CDH6: variants seen among roughly 807,000 people sequenced by gnomAD.
CDH6 encodes cadherin 6.
Under a neutral mutation model 78.0 loss-of-function variants are expected in CDH6, and 31 were observed. That is an observed-to-expected ratio of 0.40 (90% CI 0.30 to 0.54). The LOEUF is 0.54. CDH6 is among the 20% of genes least tolerant of loss of function. The pLI is 0.56. For missense variants in CDH6, 724 were observed against 975.9 expected (o/e 0.74, Z 3.44); for synonymous variants, 376 against 368.8 (o/e 1.02, Z -0.23).
At chr5:31,322,522 T>G (rs1259472757) in intron 11 of CDH6, among the ~76,000 whole-genome samples, 1 of 152,174 alleles carries the variant, frequency 6.6e-6, no homozygotes, top group Non-Finnish European at 1.5e-5. Flanking sequence ...TTTATTATTT[T>G]TTTCCTTACC....
intron 1 of CDH6, among the ~76,000 whole-genome samples, chr5:31,265,848 C>T (rs1402980359): frequency 1.5e-5 from 2 of 133,586 alleles, no homozygotes; most frequent in East Asian, 2.5e-4. Context: ...AATCTTGGCT[C>T]ACTGCAAGCT....
chr5:31,304,419 G>A (rs1313827813), intron 6 of CDH6, among the ~76,000 whole-genome samples: 1 of 152,142 alleles, frequency 6.6e-6, no homozygotes. Flanking sequence ...AGGCACCGTG[G>A]CTCACGCTTG....
Position 31,317,474 on chromosome 5 carries a change from A to G in CDH6, c.1612A>G (p.Thr538Ala). The change falls in exon 10 of 12, where the codon ACC becomes GCC. Residue 538 changes from threonine to alanine, a missense_variant. By Grantham distance (58) the Thr-to-Ala change is moderately conservative. Transcript: ENST00000265071. ...TGAAGCAGCCAGTGGCTCAAACTTT[A>G]CCATTCAAGACAACAAAGGTAAATG... ...APEAASGSNF[T>A]IQDNKDNTAG... The G allele has an allele frequency of 6.2e-7, 1 of 1,609,174 alleles. No individual in the cohort carries two copies. Among genetic ancestry groups the G allele is most frequent in the Non-Finnish European group, 8.5e-7 (1 of 1,176,950 alleles).
In CDH6 at chr5:31,299,631, A is replaced by T; in HGVS notation, c.811A>T (p.Ser271Cys). ...CGACAACCCTCCCCGATTCCCCCAG[A>T]GTAGGAACATTTGATTGAATGAATT... The part of the protein sequence containing the change: ...VNDNPPRFPQ[S>C]TYQFKTPESS... Residue 271 changes from serine to cysteine, a missense_variant and splice_region_variant, in exon 5 of 12, where the codon AGT becomes TGT. Transcript: ENST00000265071. 1 of 1,605,062 alleles carries T rather than the reference A, an allele frequency of 6.2e-7. No homozygotes were observed.
intron 1 of CDH6, among the ~76,000 whole-genome samples, chr5:31,227,706 C>T (rs1741192015): frequency 6.6e-6 from 1 of 152,136 alleles, no homozygotes; most frequent in African/African-American, 2.4e-5. Context: ...TATAGCTTCC[C>T]TGTCAGCCAC....
intron 1 of CDH6, among the ~76,000 whole-genome samples, chr5:31,224,333 G>T (rs763784624): frequency 6.6e-6 from 1 of 152,130 alleles, no homozygotes; most frequent in Non-Finnish European, 1.5e-5. Flanking sequence ...ACCTCCCACT[G>T]GGTCCTCCCC....
chr5:31,280,400 C>T (rs377387099), intron 2 of CDH6, among the ~76,000 whole-genome samples: 2 of 152,168 alleles, frequency 1.3e-5, no homozygotes, highest in African/African-American at 4.8e-5. Flanking sequence ...ATCCACATAA[C>T]CACTCTCTAG....
At chr5:31,272,325 A>C (rs1023853351) in intron 2 of CDH6, among the ~76,000 whole-genome samples, 8 of 152,210 alleles carry the variant, frequency 5.3e-5, no homozygotes, top group Admixed American at 2.0e-4. Context: ...TCAGGGGCTA[A>C]AGAAAAGAGT....
intron 1 of CDH6, among the ~76,000 whole-genome samples, chr5:31,229,937 G>A (rs754523712): frequency 1.3e-5 from 2 of 152,178 alleles, no homozygotes; most frequent in Non-Finnish European, 2.9e-5. Context: ...AATTAAGATT[G>A]AGTAGTGTCA....
At chr5:31,258,144 C>A (rs955394473) in intron 1 of CDH6, among the ~76,000 whole-genome samples, 2 of 152,094 alleles carry the variant, frequency 1.3e-5, no homozygotes, top group African/African-American at 4.8e-5. Context: ...TAGGTATATA[C>A]CCAAATGATT....
chr5:31,315,329 A>G (rs566720295), intron 8 of CDH6, among the ~76,000 whole-genome samples: 6 of 152,322 alleles, frequency 3.9e-5, no homozygotes, highest in African/African-American at 9.6e-5. Flanking sequence ...AACATCGCAA[A>G]TAGAGGCTGC....
intron 1 of CDH6, among the ~76,000 whole-genome samples, chr5:31,219,900 C>T (rs1169959504): frequency 6.6e-6 from 1 of 152,194 alleles, no homozygotes; most frequent in Admixed American, 6.5e-5. Context: ...ACAGTTCATA[C>T]AATGAAGAAG....
At chr5:31,248,894 CT>C (rs1217376960) in intron 1 of CDH6, among the ~76,000 whole-genome samples, 2 of 152,152 alleles carry the variant, frequency 1.3e-5, no homozygotes, top group Non-Finnish European at 2.9e-5. Context: ...TGCTTCATGC[CT>C]TTAACCATTT....
intron 2 of CDH6, among the ~76,000 whole-genome samples, chr5:31,282,095 T>C (rs1489023231): frequency 2.0e-5 from 3 of 152,220 alleles, no homozygotes; most frequent in African/African-American, 7.2e-5. Context: ...TCAGTTCACG[T>C]TGAATTTCAG....
intron 1 of CDH6, among the ~76,000 whole-genome samples, chr5:31,222,883 T>C (rs1741040288): frequency 6.6e-6 from 1 of 152,202 alleles, no homozygotes; most frequent in Admixed American, 6.5e-5. Flanking sequence ...ATCAATACCA[T>C]GATCCTTAGA....
chr5:31,198,052 T>C (rs998463445), intron 1 of CDH6, among the ~76,000 whole-genome samples: 1 of 152,120 alleles, frequency 6.6e-6, no homozygotes, highest in Non-Finnish European at 1.5e-5. Context: ...TAAACAACCC[T>C]TCAAAGAAGT....
intron 1 of CDH6, among the ~76,000 whole-genome samples, chr5:31,237,177 A>G (rs1435222307): frequency 6.6e-6 from 1 of 152,186 alleles, no homozygotes. Context: ...GTTAGCAATC[A>G]AAGACATGTC....
Position 31,193,737 on chromosome 5 carries a change from C to A in CDH6, c.-278C>A. On this transcript the variant is annotated 5_prime_UTR_variant, in exon 1 of 12. Transcript: ENST00000265071. ...GTGTGCCCACAAGAGCCAGCTCTCC[C>A]GAGCCCGTAACCTTCGCATCCCAAG... 1 of 152,650 alleles carries A rather than the reference C, an allele frequency of 6.6e-6. No homozygotes were observed. The highest frequency in any genetic ancestry group is 1.9e-4 in the South Asian group (1 of 5,156). The allele number at this position is 152,650 out of a possible 1,614,324, so 9.5% of individuals were successfully genotyped here. A position where few individuals can be genotyped will look rare whatever the true frequency, so the allele number is the denominator to read the frequency against.
chr5:31,282,958 A>C (rs1742901646), intron 2 of CDH6, among the ~76,000 whole-genome samples: 1 of 152,048 alleles, frequency 6.6e-6, no homozygotes, highest in Non-Finnish European at 1.5e-5. Context: ...AGTGTATTTT[A>C]AAAGTCACAA....
Sources: allele counts gnomAD v4.1 joint callset (sites outside exome capture counted in the v4.1 genomes callset), GRCh38; gene constraint gnomAD v4.1.1; transcripts MANE v1.5; gene names NCBI Gene and HGNC (gene_info 2026-07-23, HGNC 2026-07-21).